Variants in AGPAT4 observed in about 807,000 individuals in gnomAD.
AGPAT4 encodes 1-acylglycerol-3-phosphate O-acyltransferase 4.
AGPAT4 carries 15 observed loss-of-function variants against 48.0 expected under a neutral mutation model. The ratio of observed to expected loss-of-function variants is 0.31; its 90% CI spans 0.21 to 0.48. The LOEUF (loss-of-function observed/expected upper bound fraction) is 0.48. AGPAT4 is among the 20% of genes least tolerant of loss of function. AGPAT4 has a pLI of 0.99. For synonymous variants in AGPAT4, 178 were observed against 198.7 expected (o/e 0.90, Z 0.88); for missense variants, 314 against 482.5 (o/e 0.65, Z 3.27).
In AGPAT4 at chr6:161,158,522, T is replaced by C. The variant is rs892363828; in HGVS notation, c.349-4212A>G. ...AAAGAGAGAGTTGTCTTAGGGCAGG[T>C]GCTTGGAGCTAATCTAGTTGAGCGA... On this transcript the variant is annotated intron_variant, in intron 3 of 8. Transcript: ENST00000320285. The surrounding 1 kb of genome is among the most constrained non-coding windows in gnomAD (Gnocchi z 5.3). 1.1e-4 allele frequency among the ~76,000 whole-genome samples: 16 copies of C among 152,202 alleles called. No individual in the cohort carries two copies. The highest frequency in any genetic ancestry group is 3.4e-4 in the African/African-American group (14 of 41,460).
chr6:161,199,582 A>G (rs1781165642), intron 2 of AGPAT4, among the ~76,000 whole-genome samples: 1 of 152,058 alleles, frequency 6.6e-6, no homozygotes, highest in Non-Finnish European at 1.5e-5. Flanking sequence ...CCGTGTCCCC[A>G]TCCAAATCTC....
chr6:161,193,030 G>T (rs1486968502), intron 2 of AGPAT4, among the ~76,000 whole-genome samples: 3 of 152,094 alleles, frequency 2.0e-5, no homozygotes, highest in Admixed American at 1.3e-4. Context: ...TTTTCCGTGG[G>T]TTTCACTGGG....
rs1335671457 is a variant in AGPAT4, at chr6:161,221,412, T to C, written c.178+10624A>G. Reference sequence around the variant, plus strand: ...CCATGGATAAAAGCAAGGTATTTTATCGTATAATCTCTCATTTCCTATCTT... The same window carrying C: ...CCATGGATAAAAGCAAGGTATTTTACCGTATAATCTCTCATTTCCTATCTT... On this transcript the variant is annotated intron_variant, in intron 2 of 8. Coordinates refer to ENST00000320285, the MANE Select transcript of AGPAT4 (RefSeq NM_020133.3). The surrounding 1 kb of genome is among the most constrained non-coding windows in gnomAD (Gnocchi z 4.5). 6.6e-6 allele frequency among the ~76,000 whole-genome samples: 1 copy of C among 152,174 alleles called. No homozygotes were observed. The highest frequency in any genetic ancestry group is 1.9e-4 in the East Asian group (1 of 5,188).
In AGPAT4 at chr6:161,131,721, C is replaced by T. The variant is rs1388089304; in HGVS notation, c.*4819G>A. 1 of 152,214 alleles carries T rather than the reference C, an allele frequency of 6.6e-6. No individual in the cohort carries two copies. The highest frequency in any genetic ancestry group is 1.9e-4 in the East Asian group (1 of 5,200). 9.4% of individuals were successfully genotyped at this position (152,214 alleles called of 1,614,324 possible). A position where few individuals can be genotyped will look rare whatever the true frequency, so the allele number is the denominator to read the frequency against. ...TGACCAAAATAGCAGTAATTTCAAA[C>T]AGTTGAATGTCGTGATCGATACTAT... On this transcript the variant is annotated 3_prime_UTR_variant, in exon 9 of 9. Coordinates refer to ENST00000320285, the MANE Select transcript of AGPAT4 (RefSeq NM_020133.3).
chr6:161,154,017 C>G lies in AGPAT4; in HGVS notation c.510+132G>C, dbSNP rs962754669. ...CATACATCCCTGAGGTTATACACAG[C>G]CCTATGGTCACACACAGCCCTGGAG... is the stretch of plus-strand genomic sequence containing the variant. On this transcript the variant is annotated intron_variant, in intron 4 of 8. Coordinates refer to ENST00000320285, the MANE Select transcript of AGPAT4 (RefSeq NM_020133.3). The surrounding 1 kb of genome is among the most constrained non-coding windows in gnomAD (Gnocchi z 7.8). The G allele has an allele frequency of 8.2e-7, 1 of 1,218,476 alleles. No individual in the cohort carries two copies. The highest frequency in any genetic ancestry group is 1.9e-5 in the Admixed American group (1 of 51,634). 75.5% of individuals were successfully genotyped at this position (1,218,476 alleles called of 1,614,324 possible).
In AGPAT4 at chr6:161,219,245, C is replaced by A. The variant is rs1781735449; in HGVS notation, c.178+12791G>T. On this transcript the variant is annotated intron_variant, in intron 2 of 8. Coordinates refer to ENST00000320285, the MANE Select transcript of AGPAT4 (RefSeq NM_020133.3). This position sits in a 1 kb window ranked among gnomAD's most constrained non-coding sequence, Gnocchi z 4.9. ...CAGTGGTCTTTCAATGTTTTTGATT[C>A]CTTAAAAAAAAAATTAAATATGCAC... Among the ~76,000 whole-genome samples, 1 of 151,266 alleles carries A rather than the reference C, an allele frequency of 6.6e-6. No individual in the cohort carries two copies. Among genetic ancestry groups the A allele is most frequent in the South Asian group, 2.1e-4 (1 of 4,784 alleles).
In AGPAT4 at chr6:161,219,097, AT is replaced by A. The variant is rs1781732392; in HGVS notation, c.178+12938del. 4.6e-5 allele frequency among the ~76,000 whole-genome samples: 7 copies of A among 152,258 alleles called. No individual in the cohort carries two copies. Among genetic ancestry groups the A allele is most frequent in the Admixed American group, 4.6e-4 (7 of 15,296 alleles). On this transcript the variant is annotated intron_variant, in intron 2 of 8. Transcript: ENST00000320285. This position sits in a 1 kb window ranked among gnomAD's most constrained non-coding sequence, Gnocchi z 4.9. ...CTGAAATAGAGAAAAATACAAAAAT[AT>A]TTTTTGCCATTAGGATTTCCTTGCT...
chr6:161,167,216 G>A (rs748397185), intron 2 of AGPAT4, among the ~76,000 whole-genome samples: 4 of 152,020 alleles, frequency 2.6e-5, no homozygotes, highest in Admixed American at 2.0e-4. Context: ...AGTGCTCTGC[G>A]AGGGTTGTGC....
In AGPAT4 at chr6:161,169,024, TA is replaced by T. The variant is rs528132715; in HGVS notation, c.179-2608del. 1.2e-4 allele frequency among the ~76,000 whole-genome samples: 18 copies of T among 152,282 alleles called. No homozygotes were observed. Among genetic ancestry groups the T allele is most frequent in the African/African-American group, 4.3e-4 (18 of 41,546 alleles). On this transcript the variant is annotated intron_variant, in intron 2 of 8. Transcript: ENST00000320285. This position sits in a 1 kb window ranked among gnomAD's most constrained non-coding sequence, Gnocchi z 5.0. ...GGCAATCAATAAATGGACAGCTTTT[TA>T]ATTACTATTATATGCCTGATAATTT...
Position 161,242,561 on chromosome 6 carries a change from C to T in AGPAT4, c.-89-10259G>A, listed in dbSNP as rs549577495. On this transcript the variant is annotated intron_variant, in intron 1 of 8. Transcript: ENST00000320285. The surrounding 1 kb of genome is among the most constrained non-coding windows in gnomAD (Gnocchi z 5.0). ...AGAGTAGGTACACATTCTGAGGGTGCCAGCTGGCTAGATGCATTTCCAACA... is the reference window on the plus strand; with the variant it reads ...AGAGTAGGTACACATTCTGAGGGTGTCAGCTGGCTAGATGCATTTCCAACA... Among the ~76,000 whole-genome samples, 59 of 152,194 alleles carry T rather than the reference C, an allele frequency of 3.9e-4. 1 individual carries two copies. The South Asian group carries it at 9.1e-3, about 24-fold the overall frequency.
chr6:161,141,080 T>C lies in AGPAT4; in HGVS notation c.844-1460A>G, dbSNP rs1187817714. On this transcript the variant is annotated intron_variant, in intron 7 of 8. Coordinates refer to ENST00000320285, the MANE Select transcript of AGPAT4 (RefSeq NM_020133.3). The surrounding 1 kb of genome is among the most constrained non-coding windows in gnomAD (Gnocchi z 6.7). ...TACTTTTCTTCTTTTTCATTCAGGG[T>C]GTACTGAATCATAGGCTTTCTTGGC... Among the ~76,000 whole-genome samples the C allele has an allele frequency of 6.6e-6, 1 of 152,020 alleles. No homozygotes were observed. Among genetic ancestry groups the C allele is most frequent in the Non-Finnish European group, 1.5e-5 (1 of 67,994 alleles).
chr6:161,263,324 T>C (rs1050311418), intron 1 of AGPAT4, among the ~76,000 whole-genome samples: 13 of 152,106 alleles, frequency 8.5e-5, no homozygotes, highest in South Asian at 2.1e-4. Flanking sequence ...ACCCTGTCTC[T>C]ACTAAAAATA....
rs966004486 is a variant in AGPAT4 at position 161,270,674 on chromosome 6, C to T, written c.-90+3264G>A. 4.7e-4 allele frequency among the ~76,000 whole-genome samples: 71 copies of T among 152,130 alleles called. No homozygotes were observed. Among genetic ancestry groups the T allele is most frequent in the Non-Finnish European group, 1.0e-4 (7 of 67,996 alleles). On this transcript the variant is annotated intron_variant, in intron 1 of 8. Transcript: ENST00000320285. This position sits in a 1 kb window ranked among gnomAD's most constrained non-coding sequence, Gnocchi z 5.3. ...CCACATGCTTGTGATCCCAGCTACT[C>T]GGGAGGCTGAGGCAGGAGAATCGCT...
Position 161,219,854 on chromosome 6 carries a change from GATA to G in AGPAT4, c.178+12179_178+12181del. ...AGATAGATAGATAGATAGATAGATA[GATA>G]GATAGATAGATAGATAGGCAGGCAG... On this transcript the variant is annotated intron_variant, in intron 2 of 8. Coordinates refer to ENST00000320285, the MANE Select transcript of AGPAT4 (RefSeq NM_020133.3). The surrounding 1 kb of genome is among the most constrained non-coding windows in gnomAD (Gnocchi z 4.9). Among the ~76,000 whole-genome samples, 1 of 117,072 alleles carries G rather than the reference GATA, an allele frequency of 8.5e-6. No homozygotes were observed. The highest frequency in any genetic ancestry group is 3.6e-5 in the African/African-American group (1 of 27,512). The allele number at this position is 117,072 out of a possible 152,430, so 76.8% of individuals were successfully genotyped here.
rs1227667146 is a variant in AGPAT4, at chr6:161,195,277, G to C, written c.179-28860C>G. On this transcript the variant is annotated intron_variant, in intron 2 of 8. Coordinates refer to ENST00000320285, the MANE Select transcript of AGPAT4 (RefSeq NM_020133.3). The surrounding 1 kb of genome is among the most constrained non-coding windows in gnomAD (Gnocchi z 5.0). ...AAACTGGCACCTATTTTCAGGGTAAGAGTCCAGCTTTCCCTTTCCAGTGGC... is the reference window on the plus strand; with the variant it reads ...AAACTGGCACCTATTTTCAGGGTAACAGTCCAGCTTTCCCTTTCCAGTGGC... 6.6e-6 allele frequency among the ~76,000 whole-genome samples: 1 copy of C among 152,190 alleles called. No homozygotes were observed. The highest frequency in any genetic ancestry group is 1.5e-5 in the Non-Finnish European group (1 of 68,036).
intron 1 of AGPAT4, among the ~76,000 whole-genome samples, chr6:161,263,948 GT>G (rs1460109290): frequency 1.3e-5 from 2 of 152,158 alleles, no homozygotes; most frequent in African/African-American, 4.8e-5. Context: ...TGCTAGCTCT[GT>G]GGCTTTGGGA....
At position 161,233,287 on chromosome 6, in the gene AGPAT4, T is replaced by C. The variant is rs1027847685; in HGVS notation, c.-89-985A>G. On this transcript the variant is annotated intron_variant, in intron 1 of 8. Transcript: ENST00000320285. The surrounding 1 kb of genome is among the most constrained non-coding windows in gnomAD (Gnocchi z 5.4). ...CAGTTTGGGAAATAAAAGCTTTCCT[T>C]TGAGGAAAATGGCAGGAGTTTCAAA... is the stretch of plus-strand genomic sequence containing the variant. Among the ~76,000 whole-genome samples, 25 of 152,312 alleles carry C rather than the reference T, an allele frequency of 1.6e-4. No individual in the cohort carries two copies. Among genetic ancestry groups the C allele is most frequent in the African/African-American group, 5.5e-4 (23 of 41,550 alleles).
rs777506413 is a variant in AGPAT4 at position 161,219,331 on chromosome 6, A to G, written c.178+12705T>C. On this transcript the variant is annotated intron_variant, in intron 2 of 8. Coordinates refer to ENST00000320285, the MANE Select transcript of AGPAT4 (RefSeq NM_020133.3). The surrounding 1 kb of genome is among the most constrained non-coding windows in gnomAD (Gnocchi z 4.9). ...GTATTTTATATAATTTAAAAAATAT[A>G]TAAAATGTCCTATCCAGACATTTAT... Among the ~76,000 whole-genome samples the G allele has an allele frequency of 1.3e-5, 2 of 152,062 alleles. No individual in the cohort carries two copies. Among genetic ancestry groups the G allele is most frequent in the Non-Finnish European group, 2.9e-5 (2 of 68,016 alleles).
In AGPAT4 at chr6:161,154,989, A is replaced by T. The variant is rs1182030534; in HGVS notation, c.349-679T>A. Among the ~76,000 whole-genome samples, 1 of 152,042 alleles carries T rather than the reference A, an allele frequency of 6.6e-6. No individual in the cohort carries two copies. Among genetic ancestry groups the T allele is most frequent in the Non-Finnish European group, 1.5e-5 (1 of 67,998 alleles). Reference sequence around the variant, plus strand: ...ACAGCTGGTCCAAGCTGGGAGTAAAACCCAGACCAGGAGATGTGCTCGGTG... The same window carrying T: ...ACAGCTGGTCCAAGCTGGGAGTAAATCCCAGACCAGGAGATGTGCTCGGTG... On this transcript the variant is annotated intron_variant, in intron 3 of 8. Transcript: ENST00000320285. This position sits in a 1 kb window ranked among gnomAD's most constrained non-coding sequence, Gnocchi z 7.8.
Sources: gnomAD v4.1 joint callset for allele counts (sites outside exome capture counted in the v4.1 genomes callset) on GRCh38, gnomAD v4.1.1 for gene constraint, Gnocchi (gnomAD v3.1) non-coding constraint, MANE v1.5 for transcripts, NCBI Gene and HGNC (gene_info 2026-07-23, HGNC 2026-07-21) for gene names.